BCAS1: variants seen among roughly 807,000 people sequenced by gnomAD.
BCAS1 encodes brain enriched myelin associated protein 1.
BCAS1 carries 46 observed loss-of-function variants against 65.4 expected under a neutral mutation model. The ratio of observed to expected loss-of-function variants is 0.70; its 90% CI spans 0.55 to 0.90. BCAS1 has a LOEUF of 0.90. Among genes scored for constraint, BCAS1 ranks in the 40% least tolerant of loss-of-function variants. BCAS1 has a pLI of 0.00. For missense variants in BCAS1, 793 were observed against 771.2 expected (o/e 1.03, Z -0.33); for synonymous variants, 298 against 293.5 (o/e 1.02, Z -0.16).
intron 4 of BCAS1, among the ~76,000 whole-genome samples, chr20:54,020,665 TA>T (rs1387423401): frequency 1.3e-5 from 2 of 152,186 alleles, no homozygotes; most frequent in Non-Finnish European, 2.9e-5. Flanking sequence ...CTCAGTTGCA[TA>T]AAAAATGGTC....
intron 6 of BCAS1, among the ~76,000 whole-genome samples, chr20:53,993,771 T>C (rs538514136): frequency 2.6e-5 from 4 of 152,346 alleles, no homozygotes; most frequent in Admixed American, 2.0e-4. Context: ...AGCAAATGAA[T>C]AACTTTATAG....
At chr20:54,069,424 C>T (rs1039724129) in intron 1 of BCAS1, among the ~76,000 whole-genome samples, 2 of 152,226 alleles carry the variant, frequency 1.3e-5, no homozygotes, top group African/African-American at 4.8e-5. Context: ...GTTGTGTTAA[C>T]ATACCGTTTA....
intron 9 of BCAS1, 122 bp downstream of exon 9, chr20:53,975,267 A>G (rs944219426): frequency 1.0e-5 from 8 of 785,056 alleles, no homozygotes; most frequent in Admixed American, 2.2e-5. Flanking sequence ...AAGAGAGTCT[A>G]CAACAAACGA....
At chr20:54,058,299 T>C (rs1238115275) in intron 2 of BCAS1, 145 bp from the exon 3 acceptor site, 7 of 788,544 alleles carry the variant, frequency 8.9e-6, no homozygotes, top group African/African-American at 1.7e-5. Flanking sequence ...CCCAGTTTTC[T>C]ATCATGCCTT....
chr20:54,065,110 TATC>T (rs1412846825), intron 1 of BCAS1, among the ~76,000 whole-genome samples: 2 of 139,086 alleles, frequency 1.4e-5, no homozygotes, highest in Admixed American at 7.6e-5. Flanking sequence ...AGTATCTATC[TATC>T]ATCTATCTAT....
intron 3 of BCAS1, among the ~76,000 whole-genome samples, chr20:54,047,715 C>CA (rs3216354): frequency 0.32 from 48,237 of 151,878 alleles, 7,987 homozygotes; most frequent in South Asian, 0.42. Context: ...GTGTTTTGAA[C>CA]AAAAAAATTG....
intron 4 of BCAS1, among the ~76,000 whole-genome samples, chr20:54,026,486 T>C (rs1007518190): frequency 6.6e-6 from 1 of 152,208 alleles, no homozygotes; most frequent in Admixed American, 6.5e-5. Flanking sequence ...TTGATTAAGA[T>C]GGGGATTTGG....
chr20:53,986,691 A>G (rs2090623663), intron 7 of BCAS1, among the ~76,000 whole-genome samples: 1 of 152,146 alleles, frequency 6.6e-6, no homozygotes, highest in Non-Finnish European at 1.5e-5. Context: ...TGAGGTCGGG[A>G]GTTCAAGACC....
chr20:53,985,843 C>T (rs2090603119), intron 7 of BCAS1, among the ~76,000 whole-genome samples: 1 of 152,116 alleles, frequency 6.6e-6, no homozygotes, highest in South Asian at 2.1e-4. Context: ...CAATCAAGTT[C>T]CCATCAGTAA....
intron 4 of BCAS1, among the ~76,000 whole-genome samples, chr20:54,011,539 A>G (rs2091320404): frequency 6.6e-6 from 1 of 152,222 alleles, no homozygotes; most frequent in Admixed American, 6.5e-5. Flanking sequence ...CCATAACGAG[A>G]CATCACTATG....
intron 4 of BCAS1, among the ~76,000 whole-genome samples, chr20:53,998,630 C>T (rs1236682272): frequency 6.6e-6 from 1 of 152,190 alleles, no homozygotes; most frequent in African/African-American, 2.4e-5. Flanking sequence ...GGCCAAACCT[C>T]CAGCATAGGG....
intron 4 of BCAS1, among the ~76,000 whole-genome samples, chr20:54,007,507 G>T (rs2091225903): frequency 6.6e-6 from 1 of 152,172 alleles, no homozygotes. Context: ...CTGCCTTTCT[G>T]CATTGCCCCA....
chr20:54,058,793 G>A lies in BCAS1; in HGVS notation c.-5-70C>T. The A allele has an allele frequency of 4.4e-6, 7 of 1,576,946 alleles. No individual in the cohort carries two copies. The Admixed American group carries it at 1.1e-4, about 24-fold the overall frequency. On this transcript the variant is annotated intron_variant, in intron 1 of 12. Coordinates refer to ENST00000688948, the MANE Select transcript of BCAS1 (RefSeq NM_001366298.2). Reference sequence around the variant, plus strand: ...AAACGAAGCTACATGTGCTACTAAGGTGCAGAGGCCTGACAAGCCGCCCAT... The same window carrying A: ...AAACGAAGCTACATGTGCTACTAAGATGCAGAGGCCTGACAAGCCGCCCAT...
rs2092338887 is a variant in BCAS1, at chr20:54,058,812, C to T, written c.-5-89G>A. On this transcript the variant is annotated intron_variant, in intron 1 of 12. Transcript: ENST00000688948. Reference sequence around the variant, plus strand: ...ACTAAGGTGCAGAGGCCTGACAAGCCGCCCATGGCTGTATTATCATCAGCT... The same window carrying T: ...ACTAAGGTGCAGAGGCCTGACAAGCTGCCCATGGCTGTATTATCATCAGCT... The T allele has an allele frequency of 4.1e-6, 6 of 1,446,394 alleles. No individual in the cohort carries two copies. In the Admixed American group the frequency reaches 7.7e-5, roughly 19 times the overall value. 89.6% of individuals were successfully genotyped at this position (1,446,394 alleles called of 1,614,324 possible). A position where few individuals can be genotyped will look rare whatever the true frequency, so the allele number is the denominator to read the frequency against.
intron 4 of BCAS1, among the ~76,000 whole-genome samples, chr20:54,008,056 G>A (rs1264466231): frequency 1.3e-5 from 2 of 152,148 alleles, no homozygotes; most frequent in African/African-American, 2.4e-5. Flanking sequence ...TCTGACTAAA[G>A]GACCAGGAAA....
chr20:54,063,102 C>T (rs1386136940), intron 1 of BCAS1, among the ~76,000 whole-genome samples: 2 of 152,160 alleles, frequency 1.3e-5, no homozygotes, highest in African/African-American at 4.8e-5. Flanking sequence ...GGTCCTGGAA[C>T]TCGTAATAAT....
chr20:54,027,415 A>G (rs1200859036), intron 4 of BCAS1, among the ~76,000 whole-genome samples: 1 of 152,238 alleles, frequency 6.6e-6, no homozygotes, highest in East Asian at 1.9e-4. Context: ...TTTTCAATAA[A>G]TGACAGCAAG....
At position 53,992,667 on chromosome 20, in the gene BCAS1, C is replaced by T. The variant is rs750076969; in HGVS notation, c.928-21G>A. On this transcript the variant is annotated intron_variant, in intron 6 of 12. Coordinates refer to ENST00000688948, the MANE Select transcript of BCAS1 (RefSeq NM_001366298.2). ...GATGCCTTTGGGGCAACAGCAGTCACAACCTCAGAACTTTGTTTTTGAACA... is the reference window on the plus strand; with the variant it reads ...GATGCCTTTGGGGCAACAGCAGTCATAACCTCAGAACTTTGTTTTTGAACA... 5.9e-6 allele frequency: 8 copies of T among 1,365,790 alleles called. No homozygotes were observed. The African/African-American group carries it at 5.9e-5, about 10-fold the overall frequency. 84.6% of individuals were successfully genotyped at this position (1,365,790 alleles called of 1,614,324 possible).
rs556190149 is a variant in BCAS1 at position 53,981,379 on chromosome 20, G to A, written c.1275+3908C>T. Among the ~76,000 whole-genome samples, 8 of 152,198 alleles carry A rather than the reference G, an allele frequency of 5.3e-5. No individual in the cohort carries two copies. The South Asian group carries it at 1.7e-3, about 32-fold the overall frequency. On this transcript the variant is annotated intron_variant, in intron 8 of 12. Transcript: ENST00000688948. ...CAAATCACCCAAATGATTCAGATACGTTTTTTAAGTTCTTAAGTCTATTTT... is the reference window on the plus strand; with the variant it reads ...CAAATCACCCAAATGATTCAGATACATTTTTTAAGTTCTTAAGTCTATTTT...
Sources: gnomAD v4.1 joint callset for allele counts (sites outside exome capture counted in the v4.1 genomes callset) on GRCh38, gnomAD v4.1.1 for gene constraint, MANE v1.5 for transcripts, NCBI Gene and HGNC (gene_info 2026-07-23, HGNC 2026-07-21) for gene names.